Variants in SH3BP5 observed in about 807,000 individuals in gnomAD.
SH3BP5 encodes SH3 domain-binding protein 5.
A neutral mutation model predicts 43.3 loss-of-function variants in SH3BP5; 22 were observed. The ratio of observed to expected loss-of-function variants is 0.51; its 90% confidence interval spans 0.36 to 0.73. The LOEUF (loss-of-function observed/expected upper bound fraction) is 0.73. Ranked by LOEUF, SH3BP5 falls within the 30% of genes least tolerant of loss-of-function variation. The probability of loss-of-function intolerance (pLI) is 0.00; values close to 1 mark genes in which losing one functional copy is unlikely to be tolerated. For synonymous variants in SH3BP5, 255 were observed against 225.8 expected, an observed-to-expected ratio of 1.13 and a Z score of -1.16; for missense variants, 529 against 586.9, an observed-to-expected ratio of 0.90 and a Z score of 1.02.
upstream of SH3BP5, chr3:15,333,370 C>A (rs948921447): frequency 1.7e-6 from 1 of 583,728 alleles, no homozygotes; most frequent in Non-Finnish European, 2.2e-6. Context: ...CATGGCTGCT[C>A]ACGTCTCCTT....
intron 5 of SH3BP5, among the ~76,000 whole-genome samples, chr3:15,260,835 G>A (rs1395712488): frequency 6.6e-6 from 1 of 152,154 alleles, no homozygotes; most frequent in Non-Finnish European, 1.5e-5. Context: ...GCAGACAGGA[G>A]CCACCCAAGA....
At chr3:15,262,964 T>C (rs554714218) in intron 4 of SH3BP5, among the ~76,000 whole-genome samples, 1 of 152,250 alleles carries the variant, frequency 6.6e-6, no homozygotes, top group East Asian at 1.9e-4. Flanking sequence ...TCTCAAAATA[T>C]ATATGTATAT....
At chr3:15,272,544 C>CAG (rs1182124691) in intron 3 of SH3BP5, among the ~76,000 whole-genome samples, 1 of 111,458 alleles carries the variant, frequency 9.0e-6, no homozygotes, top group East Asian at 2.5e-4. Context: ...CATTACAAAA[C>CAG]AGAGTGCCTG....
intron 2 of SH3BP5, among the ~76,000 whole-genome samples, chr3:15,329,700 T>C (rs1698561614): frequency 6.6e-6 from 1 of 152,200 alleles, no homozygotes; most frequent in Non-Finnish European, 1.5e-5. Context: ...GAAACAGACT[T>C]TGCCAACAGC....
chr3:15,286,244 G>C (rs972874613), intron 3 of SH3BP5, among the ~76,000 whole-genome samples: 3 of 152,222 alleles, frequency 2.0e-5, no homozygotes, highest in East Asian at 3.9e-4. Flanking sequence ...CCTAGTGACA[G>C]GGCCAGGGTA....
intron 2 of SH3BP5, among the ~76,000 whole-genome samples, chr3:15,304,488 G>A (rs982304325): frequency 2.6e-5 from 4 of 152,198 alleles, no homozygotes; most frequent in African/African-American, 9.7e-5. Flanking sequence ...AAAACTGGCC[G>A]GTGTGACTGA....
At position 15,259,812 on chromosome 3, in the gene SH3BP5, G is replaced by A. The variant is rs1281158405; in HGVS notation, c.627-9C>T. ...TGAGTTCAAAATAAGGCCTGCAGAA[G>A]ACAGGAAGGAAAGCCATCAGAGTAA... On this transcript the variant is annotated splice_polypyrimidine_tract_variant and intron_variant, in intron 5 of 8. Transcript: ENST00000383791. 1.9e-6 allele frequency: 3 copies of A among 1,613,410 alleles called. No homozygotes were observed. In the East Asian group the frequency reaches 6.7e-5, roughly 36 times the overall value.
intron 3 of SH3BP5, among the ~76,000 whole-genome samples, chr3:15,285,986 G>A (rs551140402): frequency 6.6e-6 from 1 of 152,346 alleles, no homozygotes; most frequent in East Asian, 1.9e-4. Flanking sequence ...ATGAAAATGA[G>A]GGCCTAATAT....
intron 3 of SH3BP5, among the ~76,000 whole-genome samples, chr3:15,278,015 G>A (rs771400202): frequency 3.9e-5 from 6 of 152,220 alleles, no homozygotes; most frequent in Non-Finnish European, 8.8e-5. Flanking sequence ...GGAGGAAAGA[G>A]AAGCCCCAGC....
Position 15,255,754 on chromosome 3 carries a change from C to A in SH3BP5, c.*332G>T. 1 of 215,964 alleles carries A rather than the reference C, an allele frequency of 4.6e-6. No homozygotes were observed. 13.4% of individuals were successfully genotyped at this position (215,964 alleles called of 1,614,324 possible). A position where few individuals can be genotyped will look rare whatever the true frequency, so the allele number is the denominator to read the frequency against. On this transcript the variant is annotated 3_prime_UTR_variant, in exon 9 of 9. Transcript: ENST00000383791. Reference sequence around the variant, plus strand: ...AAGAGAAAGAGAAGCAAGCTGTTGCCCCCACTTTGGCCTGGCTTCCCAGCC... The same window carrying A: ...AAGAGAAAGAGAAGCAAGCTGTTGCACCCACTTTGGCCTGGCTTCCCAGCC...
intron 5 of SH3BP5, 72 bp from the exon 6 acceptor site, chr3:15,259,875 CAAGAGGCAT>C: frequency 7.3e-7 from 1 of 1,374,310 alleles, no homozygotes; most frequent in Admixed American, 1.7e-5. Context: ...ACAAGATGAA[CAAGAGGCAT>C]CAGCTACCAC....
rs35283423 is a variant in SH3BP5 at position 15,321,812 on chromosome 3, C to CAA, written c.201+8690_201+8691dup. ...CCTGGATGTCACAACATCAAATTGCCAAAAAAAAAAAAAAAATCTAAAGTC... is the reference window on the plus strand; with the variant it reads ...CCTGGATGTCACAACATCAAATTGCCAAAAAAAAAAAAAAAAAATCTAAAGTC... On this transcript the variant is annotated intron_variant, in intron 2 of 8. Coordinates refer to ENST00000383791, the MANE Select transcript of SH3BP5 (RefSeq NM_004844.5). Among the ~76,000 whole-genome samples, 498 of 132,240 alleles carry CAA rather than the reference C, an allele frequency of 3.8e-3. 5 individuals are homozygous for CAA. The highest frequency in any genetic ancestry group is 0.014 in the African/African-American group (478 of 33,276). 86.8% of individuals were successfully genotyped at this position (132,240 alleles called of 152,430 possible).
chr3:15,256,337 T>C, intron 8 of SH3BP5, 34 bp from the exon 9 acceptor site: 4 of 1,588,552 alleles, frequency 2.5e-6, no homozygotes, highest in Non-Finnish European at 3.4e-6. Context: ...AAAGTGAGTA[T>C]TGACAATTCT....
intron 2 of SH3BP5, among the ~76,000 whole-genome samples, chr3:15,324,007 T>C (rs114258688): frequency 6.6e-6 from 1 of 152,168 alleles, no homozygotes; most frequent in African/African-American, 2.4e-5. Flanking sequence ...ATGGCCAAAC[T>C]TCAAGTCAGA....
intron 5 of SH3BP5, chr3:15,260,609 G>C (rs898454230): frequency 1.3e-5 from 2 of 152,200 alleles, no homozygotes; most frequent in African/African-American, 4.8e-5. Context: ...TGAAATTTGG[G>C]GGGAGAGAGA....
chr3:15,265,228 G>C (rs963675900), intron 4 of SH3BP5, among the ~76,000 whole-genome samples: 4 of 152,046 alleles, frequency 2.6e-5, no homozygotes, highest in African/African-American at 9.7e-5. Context: ...AAAACCTCCA[G>C]GGCAGCCAGG....
rs1696933603 is a variant in SH3BP5 at position 15,275,382 on chromosome 3, A to G, written c.331-5505T>C. Among the ~76,000 whole-genome samples, 5 of 152,358 alleles carry G rather than the reference A, an allele frequency of 3.3e-5. No individual in the cohort carries two copies. The South Asian group carries it at 1.0e-3, about 32-fold the overall frequency. On this transcript the variant is annotated intron_variant, in intron 3 of 8. Transcript: ENST00000383791. ...GAGAGCTGGCTATCTGGTTCTCACC[A>G]TCATATGAAAGATGACACCTAGAAA... is the stretch of plus-strand genomic sequence containing the variant.
chr3:15,308,124 T>C (rs1575334936), intron 2 of SH3BP5, among the ~76,000 whole-genome samples: 1 of 152,194 alleles, frequency 6.6e-6, no homozygotes, highest in East Asian at 1.9e-4. Flanking sequence ...GGTGTCTGAA[T>C]CACTCATTCA....
chr3:15,277,589 C>A (rs1027853247), intron 3 of SH3BP5, among the ~76,000 whole-genome samples: 6 of 152,112 alleles, frequency 3.9e-5, no homozygotes, highest in African/African-American at 1.4e-4. Context: ...TCCTACCCCC[C>A]ACCACACAGT....
Sources: gnomAD v4.1 joint callset for allele counts (sites outside exome capture counted in the v4.1 genomes callset) on GRCh38, gnomAD v4.1.1 for gene constraint, MANE v1.5 for transcripts, NCBI Gene and HGNC (gene_info 2026-07-23, HGNC 2026-07-21) for gene names.